Variants in CHD6 observed in about 807,000 individuals in gnomAD.
CHD6 encodes the protein chromodomain helicase DNA binding protein 6, also known as ATP-dependent chromatin remodeler CHD6.
In CHD6, 50 loss-of-function variants were observed where a neutral mutation model predicts 276.9. That is an observed-to-expected ratio of 0.18 (90% CI 0.14 to 0.23). CHD6 has a LOEUF of 0.23. CHD6 is among the 10% of genes least tolerant of loss of function. The pLI is 1.00. For missense variants in CHD6, 2,564 were observed against 3,365.8 expected (o/e 0.76, Z 5.89); for synonymous variants, 1,173 against 1,229.3 (o/e 0.95, Z 0.96).
intron 11 of CHD6, among the ~76,000 whole-genome samples, chr20:41,490,676 G>T (rs1232185518): frequency 6.6e-6 from 1 of 152,074 alleles, no homozygotes; most frequent in Non-Finnish European, 1.5e-5. Flanking sequence ...AGCAGGGCGA[G>T]GTGGCAAGTG....
chr20:41,513,111 A>C, intron 4 of CHD6, 116 bp from the exon 5 acceptor site: 1 of 1,123,430 alleles, frequency 8.9e-7, no homozygotes, highest in Non-Finnish European at 1.3e-6. Flanking sequence ...TGCCTTACAA[A>C]AGAAATCTTT....
chr20:41,469,212 T>C (rs1600938641), intron 17 of CHD6, among the ~76,000 whole-genome samples: 1 of 152,278 alleles, frequency 6.6e-6, no homozygotes, highest in East Asian at 1.9e-4. Flanking sequence ...CTTGTGGCTG[T>C]GCTCTTGGCC....
intron 7 of CHD6, chr20:41,497,882 T>G: frequency 2.2e-6 from 1 of 445,636 alleles, no homozygotes. Flanking sequence ...ATATGAGAAT[T>G]GCCCAAGGAG....
At chr20:41,595,981 G>A (rs2045713888) in intron 1 of CHD6, among the ~76,000 whole-genome samples, 1 of 152,060 alleles carries the variant, frequency 6.6e-6, no homozygotes, top group Admixed American at 6.5e-5. Flanking sequence ...TACCTCCCCT[G>A]AAAACAGAAT....
chr20:41,589,868 A>G (rs1053490096), intron 1 of CHD6, among the ~76,000 whole-genome samples: 9 of 152,224 alleles, frequency 5.9e-5, no homozygotes, highest in African/African-American at 1.9e-4. Flanking sequence ...AAACTACTTT[A>G]AAGTTCATAT....
At position 41,404,896 on chromosome 20, in the gene CHD6, T is replaced by A. The variant is rs755958791; in HGVS notation, c.7845A>T (p.Pro2615=). The A allele has an allele frequency of 1.2e-6, 2 of 1,614,036 alleles. No homozygotes were observed. Among genetic ancestry groups the A allele is most frequent in the Non-Finnish European group, 1.7e-6 (2 of 1,180,016 alleles). Residue 2615 remains proline, a synonymous_variant, in exon 37 of 37, where the codon CCA becomes CCT. Coordinates refer to ENST00000373233, the MANE Select transcript of CHD6 (RefSeq NM_032221.5). The part of the protein sequence containing the change: ...SPVAFNPFLI[P]GVSPGLIYPS... ...GGTAAATGAGTCCAGGAGATACTCCTGGGATGAGAAATGGGTTAAAAGCCA... is the reference window on the plus strand; with the variant it reads ...GGTAAATGAGTCCAGGAGATACTCCAGGGATGAGAAATGGGTTAAAAGCCA...
chr20:41,597,201 G>A (rs1332059465), intron 1 of CHD6, among the ~76,000 whole-genome samples: 1 of 152,076 alleles, frequency 6.6e-6, no homozygotes, highest in Non-Finnish European at 1.5e-5. Flanking sequence ...GAATAGGGAG[G>A]TCAGGGATTC....
rs368690953 is a variant in CHD6 at position 41,460,439 on chromosome 20, T to C, written c.2665-3011A>G. On this transcript the variant is annotated intron_variant, in intron 17 of 36. Transcript: ENST00000373233. ...CCCTCCCATCACAGGCTCGGAGGCC[T>C]AGGAGGAAAAAGTGGTTTTGTGGGC... is the stretch of plus-strand genomic sequence containing the variant. Among the ~76,000 whole-genome samples, 127 of 152,192 alleles carry C rather than the reference T, an allele frequency of 8.3e-4. 2 individuals carry two copies. Among genetic ancestry groups the C allele is most frequent in the African/African-American group, 3.0e-3 (123 of 41,528 alleles).
chr20:41,544,754 TATG>T (rs1375707582), intron 2 of CHD6, among the ~76,000 whole-genome samples: 37 of 150,874 alleles, frequency 2.5e-4, no homozygotes, highest in Admixed American at 2.3e-3. Context: ...TATGTACTGT[TATG>T]ATACTATATT....
rs539507208 is a variant in CHD6, at chr20:41,473,117, G to A, written c.2664+205C>T. 28 of 481,512 alleles carry A rather than the reference G, an allele frequency of 5.8e-5. No homozygotes were observed. The highest frequency in any genetic ancestry group is 8.5e-5 in the Non-Finnish European group (23 of 272,170). The allele number at this position is 481,512 out of a possible 1,614,324, so 29.8% of individuals were successfully genotyped here. The stretch of plus-strand genomic sequence containing the variant: ...ACTGTGAAACATCATTTGATTTAAC[G>A]GAAAGAACCACACTCTCTAATTAGT... On this transcript the variant is annotated intron_variant, in intron 17 of 36. Coordinates refer to ENST00000373233, the MANE Select transcript of CHD6 (RefSeq NM_032221.5). This position sits in a 1 kb window ranked among gnomAD's most constrained non-coding sequence, Gnocchi z 4.1.
At chr20:41,604,840 G>A (rs1250352173) in intron 1 of CHD6, among the ~76,000 whole-genome samples, 2 of 152,064 alleles carry the variant, frequency 1.3e-5, no homozygotes, top group Admixed American at 1.3e-4. Flanking sequence ...GGACTACCAG[G>A]TCAAACTAAT....
intron 34 of CHD6, chr20:41,414,220 T>C (rs1450797330): frequency 6.6e-6 from 1 of 152,210 alleles, no homozygotes; most frequent in Non-Finnish European, 1.5e-5. Flanking sequence ...CCAAGCAATA[T>C]GGCTTAGCAG....
intron 8 of CHD6, chr20:41,497,158 C>T: frequency 2.0e-6 from 1 of 496,612 alleles, no homozygotes; most frequent in Non-Finnish European, 3.7e-6. Flanking sequence ...GACCAAGATG[C>T]ACGCCGTTAT....
intron 3 of CHD6, among the ~76,000 whole-genome samples, chr20:41,525,779 C>T (rs1196972508): frequency 6.6e-6 from 1 of 152,168 alleles, no homozygotes; most frequent in Non-Finnish European, 1.5e-5. Flanking sequence ...CCAAGGGACT[C>T]CCCAGACCAG....
intron 3 of CHD6, among the ~76,000 whole-genome samples, chr20:41,529,111 G>T (rs1382584404): frequency 6.6e-6 from 1 of 152,090 alleles, no homozygotes; most frequent in East Asian, 1.9e-4. Context: ...TCCCAACAAT[G>T]GTGCTCACTA....
Position 41,484,423 on chromosome 20 carries a change from T to C in CHD6, c.2186A>G (p.His729Arg). The change falls in exon 15 of 37, where the codon CAC becomes CGC. Residue 729 changes from histidine (H) to arginine (R), a missense_variant. Around this residue, in one of 7 missense-constraint regions of CHD6, gnomAD observed 457 missense variants for 889.0 expected, o/e 0.51. Coordinates refer to ENST00000373233, the MANE Select transcript of CHD6 (RefSeq NM_032221.5). ...GGTGTTGATGAGATTGGGCATGTTG[T>C]GCTGATTTGCCCCCTTGGTCAGGAA... ...FSFLTKGANQ[H>R]NMPNLINTMM... is the part of the protein sequence containing the mutation. 6.2e-7 allele frequency: 1 copy of C among 1,613,922 alleles called. No homozygotes were observed. The highest frequency in any genetic ancestry group is 8.5e-7 in the Non-Finnish European group (1 of 1,179,830).
intron 11 of CHD6, 137 bp downstream of exon 11, chr20:41,491,561 T>C (rs2043555698): frequency 4.7e-6 from 4 of 858,372 alleles, no homozygotes; most frequent in African/African-American, 3.4e-5. Context: ...GGATGATTAA[T>C]GTGCAAAGAC....
chr20:41,610,760 AAAATAAAT>A (rs5841413), intron 1 of CHD6, among the ~76,000 whole-genome samples: 18,674 of 147,250 alleles, frequency 0.13, 1,374 homozygotes, highest in East Asian at 0.33. Flanking sequence ...TCCGTCTCAA[AAAATAAAT>A]AAATAAATAA....
At chr20:41,559,937 TTAA>T (rs2045284081) in intron 1 of CHD6, among the ~76,000 whole-genome samples, 1 of 151,388 alleles carries the variant, frequency 6.6e-6, no homozygotes, top group Non-Finnish European at 1.5e-5. Flanking sequence ...CCATCAGAGG[TTAA>T]TGTCCTGCAA....
Sources: allele counts gnomAD v4.1 joint callset (sites outside exome capture counted in the v4.1 genomes callset), GRCh38; gene constraint gnomAD v4.1.1; regional missense constraint gnomAD v4.1.1; non-coding constraint Gnocchi (gnomAD v3.1); transcripts MANE v1.5; gene names NCBI Gene and HGNC (gene_info 2026-07-23, HGNC 2026-07-21).